FRAS1: variants seen among roughly 807,000 people sequenced by gnomAD.
FRAS1 encodes the protein Fraser extracellular matrix complex subunit 1.
Under a neutral mutation model 435.2 loss-of-function variants are expected in FRAS1, and 290 were observed. That is an observed-to-expected ratio of 0.67 (90% confidence interval 0.61 to 0.73). The LOEUF is 0.73. FRAS1 is among the 30% of genes least tolerant of loss of function. FRAS1 has a pLI of 0.00. For synonymous variants in FRAS1, 1,800 were observed against 1,851.0 expected (o/e 0.97, Z 0.71); for missense variants, 4,860 against 5,001.5 (o/e 0.97, Z 0.85).
At chr4:78,147,703 A>T (rs1421847135) in intron 2 of FRAS1, among the ~76,000 whole-genome samples, 2 of 152,140 alleles carry the variant, frequency 1.3e-5, no homozygotes, top group African/African-American at 4.8e-5. Flanking sequence ...TGTCTGTCCT[A>T]TTGAGTTGTT....
At position 78,127,423 on chromosome 4, in the gene FRAS1, G is replaced by A. The variant is rs531488220; in HGVS notation, c.108+61407G>A. 6.6e-5 allele frequency among the ~76,000 whole-genome samples: 10 copies of A among 152,332 alleles called. 1 individual carries two copies. The South Asian group carries it at 2.1e-3, about 32-fold the overall frequency. ...GATTTGTGGGTTTATAAAGATATCA[G>A]TGTTCTGGCCATAGCCTGGATAACA... On this transcript the variant is annotated intron_variant, in intron 2 of 73. Coordinates refer to ENST00000512123, the MANE Select transcript of FRAS1 (RefSeq NM_025074.7).
intron 16 of FRAS1, 78 bp from the exon 17 acceptor site, chr4:78,317,290 C>G: frequency 6.5e-7 from 1 of 1,532,930 alleles, no homozygotes; most frequent in Non-Finnish European, 9.0e-7. Flanking sequence ...GAGTCCCAGG[C>G]CCGTGAAGCC....
chr4:78,115,351 C>T (rs13120803), intron 2 of FRAS1, among the ~76,000 whole-genome samples: 42,227 of 151,486 alleles, frequency 0.28, 6,160 homozygotes, highest in African/African-American at 0.35. Flanking sequence ...CATAAAATAA[C>T]TTAGGGAGGA....
At chr4:78,457,225 G>A (rs1186364861) in intron 47 of FRAS1, among the ~76,000 whole-genome samples, 1 of 152,154 alleles carries the variant, frequency 6.6e-6, no homozygotes, top group African/African-American at 2.4e-5. Context: ...CTCCCACTGT[G>A]GAGTCCACCG....
At chr4:78,336,509 A>G (rs1730175887) in intron 19 of FRAS1, among the ~76,000 whole-genome samples, 1 of 152,216 alleles carries the variant, frequency 6.6e-6, no homozygotes, top group South Asian at 2.1e-4. Context: ...GGGAGGAAGA[A>G]CTGGGTGTTG....
At chr4:78,189,472 C>G (rs923684636) in intron 2 of FRAS1, among the ~76,000 whole-genome samples, 5 of 152,226 alleles carry the variant, frequency 3.3e-5, no homozygotes, top group African/African-American at 1.2e-4. Flanking sequence ...AACATGTACT[C>G]AGTTCTTCAG....
chr4:78,339,301 G>A (rs943756802), intron 20 of FRAS1, among the ~76,000 whole-genome samples: 12 of 152,206 alleles, frequency 7.9e-5, no homozygotes, highest in East Asian at 1.9e-4. Context: ...TGGCTAAAGC[G>A]TATTGGTGGA....
chr4:78,282,690 T>A, intron 11 of FRAS1, 130 bp from the exon 12 acceptor site: 1 of 908,688 alleles, frequency 1.1e-6, no homozygotes, highest in Non-Finnish European at 1.7e-6. Flanking sequence ...TGTTTCAGAG[T>A]TAGATTTGGC....
chr4:78,140,083 T>C (rs964161052), intron 2 of FRAS1, among the ~76,000 whole-genome samples: 1 of 152,164 alleles, frequency 6.6e-6, no homozygotes, highest in African/African-American at 2.4e-5. Context: ...CCATGAATTA[T>C]CACTATCTAT....
chr4:78,120,673 T>C (rs560548857), intron 2 of FRAS1, among the ~76,000 whole-genome samples: 99 of 152,232 alleles, frequency 6.5e-4, no homozygotes, highest in African/African-American at 2.1e-3. Flanking sequence ...TCAGGATTAT[T>C]TCAATGAAGG....
chr4:78,118,487 G>A (rs1718800034), intron 2 of FRAS1, among the ~76,000 whole-genome samples: 1 of 152,176 alleles, frequency 6.6e-6, no homozygotes, highest in Non-Finnish European at 1.5e-5. Flanking sequence ...CTTCCCGGCT[G>A]CTTTGTTTAC....
chr4:78,161,369 A>C (rs535269288), intron 2 of FRAS1, among the ~76,000 whole-genome samples: 19 of 152,056 alleles, frequency 1.2e-4, no homozygotes, highest in Non-Finnish European at 2.2e-4. Context: ...TCGGGTTTGG[A>C]TACTACTCTG....
intron 2 of FRAS1, among the ~76,000 whole-genome samples, chr4:78,115,128 C>T (rs148737926): frequency 0.054 from 8,231 of 151,248 alleles, 374 homozygotes; most frequent in African/African-American, 0.12. Context: ...TGCTAGATTA[C>T]GTTTATTGAT....
At chr4:78,273,953 T>C (rs557935390) in intron 9 of FRAS1, among the ~76,000 whole-genome samples, 1 of 152,318 alleles carries the variant, frequency 6.6e-6, no homozygotes, top group East Asian at 1.9e-4. Context: ...CTGGACTTTT[T>C]TTGGTTGGTA....
chr4:78,395,123 G>A, intron 29 of FRAS1, among the ~76,000 whole-genome samples: 1 of 151,876 alleles, frequency 6.6e-6, no homozygotes, highest in East Asian at 1.9e-4. Flanking sequence ...TAAGATCATG[G>A]TGTCTGTAAA....
In FRAS1 at chr4:78,267,216, C is replaced by T. The variant is rs76627521; in HGVS notation, c.790-25C>T. 3,917 of 1,608,844 alleles carry T rather than the reference C, an allele frequency of 2.4e-3. 44 individuals carry two copies. The Admixed American group carries it at 0.032, about 13-fold the overall frequency. ...GTTTCACCGTCTCCTGAGGACTGCC[C>T]CTCACCTTCCTCTCTGTGTCCTAGG... On this transcript the variant is annotated intron_variant, in intron 8 of 73. Coordinates refer to ENST00000512123, the MANE Select transcript of FRAS1 (RefSeq NM_025074.7).
intron 14 of FRAS1, among the ~76,000 whole-genome samples, chr4:78,299,958 G>T (rs1301951173): frequency 6.6e-6 from 1 of 152,206 alleles, no homozygotes; most frequent in Non-Finnish European, 1.5e-5. Context: ...ATGTGTCTTT[G>T]TGTGCTTCTG....
chr4:78,130,645 C>T (rs1719639243), intron 2 of FRAS1, among the ~76,000 whole-genome samples: 1 of 152,116 alleles, frequency 6.6e-6, no homozygotes. Context: ...GAATGTCTAC[C>T]CCAATCCAGG....
intron 14 of FRAS1, among the ~76,000 whole-genome samples, chr4:78,307,352 T>C (rs568078938): frequency 2.3e-4 from 35 of 152,298 alleles, no homozygotes; most frequent in South Asian, 1.5e-3. Context: ...GTGGAGCCTA[T>C]AGAGGCAGGC....
Sources: gnomAD v4.1 joint callset for allele counts (sites outside exome capture counted in the v4.1 genomes callset) on GRCh38, gnomAD v4.1.1 for gene constraint, MANE v1.5 for transcripts, NCBI Gene and HGNC (gene_info 2026-07-23, HGNC 2026-07-21) for gene names.